Variants in GULP1 observed in about 807,000 individuals in gnomAD.
GULP1 encodes PTB domain-containing engulfment adapter protein 1.
A neutral mutation model predicts 40.9 loss-of-function variants in GULP1; 19 were observed. The ratio of observed to expected loss-of-function variants is 0.46; its 90% CI spans 0.32 to 0.68. The LOEUF (loss-of-function observed/expected upper bound fraction) is 0.68. GULP1 is among the 30% of genes least tolerant of loss of function. The probability of loss-of-function intolerance (pLI) is 0.03; values close to 1 mark genes in which losing one functional copy is unlikely to be tolerated. For synonymous variants in GULP1, 119 were observed against 117.6 expected (o/e 1.01, Z -0.08); for missense variants, 312 against 362.2 (o/e 0.86, Z 1.12).
intron 1 of GULP1, among the ~76,000 whole-genome samples, chr2:188,329,552 GA>G (rs1559117210): frequency 6.6e-6 from 1 of 152,070 alleles, no homozygotes; most frequent in East Asian, 1.9e-4. Flanking sequence ...AGAGAAGTAG[GA>G]AATTAAGTCA....
chr2:188,385,847 T>C (rs2152519982), intron 2 of GULP1, among the ~76,000 whole-genome samples: 1 of 152,266 alleles, frequency 6.6e-6, no homozygotes, highest in African/African-American at 2.4e-5. Flanking sequence ...CATCTCTGTC[T>C]GAGACCACCT....
intron 1 of GULP1, among the ~76,000 whole-genome samples, chr2:188,332,523 A>T (rs779810703): frequency 1.3e-5 from 2 of 152,060 alleles, no homozygotes; most frequent in Non-Finnish European, 2.9e-5. Flanking sequence ...GTGTTCCAGG[A>T]TCTGTGCCAG....
intron 1 of GULP1, among the ~76,000 whole-genome samples, chr2:188,347,614 ATTT>A (rs10627846): frequency 4.4e-5 from 6 of 135,268 alleles, no homozygotes; most frequent in African/African-American, 5.5e-5. Context: ...ATCTCAAAGC[ATTT>A]TTTTTTTTTT....
chr2:188,537,831 G>A (rs879345653), intron 6 of GULP1, among the ~76,000 whole-genome samples: 13 of 151,878 alleles, frequency 8.6e-5, no homozygotes, highest in Admixed American at 8.5e-4. Flanking sequence ...TTGTTTGGTT[G>A]GTAGATTTTT....
At chr2:188,549,637 C>T (rs13034731) in intron 7 of GULP1, among the ~76,000 whole-genome samples, 43,944 of 151,550 alleles carry the variant, frequency 0.29, 7,770 homozygotes, top group East Asian at 0.4. Context: ...GGACATTTAT[C>T]CCAGAGAAAT....
chr2:188,461,212 G>T (rs745641268), intron 2 of GULP1, among the ~76,000 whole-genome samples: 1 of 151,674 alleles, frequency 6.6e-6, no homozygotes, highest in Non-Finnish European at 1.5e-5. Context: ...TCTGTTTTTC[G>T]AATAGTTTAA....
At chr2:188,514,280 C>A (rs2064956050) in intron 4 of GULP1, among the ~76,000 whole-genome samples, 1 of 152,034 alleles carries the variant, frequency 6.6e-6, no homozygotes, top group African/African-American at 2.4e-5. Context: ...GTATTTCGGT[C>A]TTTATTTAGA....
intron 1 of GULP1, among the ~76,000 whole-genome samples, chr2:188,322,938 C>CTCTT (rs1484744257): frequency 6.6e-6 from 1 of 152,036 alleles, no homozygotes; most frequent in East Asian, 1.9e-4. Flanking sequence ...TTGTCAAGAC[C>CTCTT]TCTTTATCTT....
intron 2 of GULP1, among the ~76,000 whole-genome samples, chr2:188,417,543 GT>G (rs2054745562): frequency 6.6e-6 from 1 of 152,162 alleles, no homozygotes; most frequent in Non-Finnish European, 1.5e-5. Flanking sequence ...AGTGGTTTAT[GT>G]TTGTTCAACT....
intron 9 of GULP1, among the ~76,000 whole-genome samples, chr2:188,570,611 A>G (rs958547747): frequency 6.6e-6 from 1 of 152,184 alleles, no homozygotes; most frequent in East Asian, 1.9e-4. Flanking sequence ...TATTCTCTGC[A>G]GACAAAACTC....
intron 1 of GULP1, among the ~76,000 whole-genome samples, chr2:188,334,225 C>T (rs1200768469): frequency 6.6e-6 from 1 of 152,128 alleles, no homozygotes; most frequent in East Asian, 1.9e-4. Context: ...CAATTAATAA[C>T]GTTGGTAAGC....
At chr2:188,488,637 G>T (rs2062068594) in intron 4 of GULP1, among the ~76,000 whole-genome samples, 1 of 152,076 alleles carries the variant, frequency 6.6e-6, no homozygotes, top group African/African-American at 2.4e-5. Flanking sequence ...TGAAGTACTT[G>T]CAGTGACCAC....
chr2:188,559,287 G>A (rs1695627193), intron 7 of GULP1, among the ~76,000 whole-genome samples: 1 of 152,210 alleles, frequency 6.6e-6, no homozygotes, highest in African/African-American at 2.4e-5. Context: ...CTCAGGCTAT[G>A]GTTTCAGAGA....
rs188177039 is a variant in GULP1 at position 188,524,802 on chromosome 2, T to C, written c.162+1975T>C. Among the ~76,000 whole-genome samples, 435 of 151,882 alleles carry C rather than the reference T, an allele frequency of 2.9e-3. 2 individuals carry two copies. Among genetic ancestry groups the C allele is most frequent in the Non-Finnish European group, 4.0e-3 (273 of 67,926 alleles). On this transcript the variant is annotated intron_variant, in intron 5 of 11. Transcript: ENST00000409830. ...ACACATCTCCATTTTAATTTCCTGC[T>C]TATTTTTCTTTAACATATGAATTCT...
intron 6 of GULP1, among the ~76,000 whole-genome samples, chr2:188,538,273 G>T (rs191050237): frequency 6.6e-6 from 1 of 152,080 alleles, no homozygotes; most frequent in Admixed American, 6.6e-5. Flanking sequence ...TGTGATATTA[G>T]ATTGCTAACT....
intron 1 of GULP1, among the ~76,000 whole-genome samples, chr2:188,372,934 C>T (rs72909551): frequency 0.011 from 1,737 of 152,026 alleles, 14 homozygotes; most frequent in Non-Finnish European, 0.02. Context: ...GAAAAAATTC[C>T]CTTCTGCGTT....
intron 5 of GULP1, among the ~76,000 whole-genome samples, chr2:188,528,869 A>G (rs1401892935): frequency 1.3e-5 from 2 of 152,308 alleles, no homozygotes; most frequent in African/African-American, 4.8e-5. Flanking sequence ...AAAGAAGTGC[A>G]TTAAAAATCT....
At chr2:188,377,716 A>G (rs2048472176) in intron 1 of GULP1, among the ~76,000 whole-genome samples, 1 of 152,258 alleles carries the variant, frequency 6.6e-6, no homozygotes, top group South Asian at 2.1e-4. Context: ...TAGGAAATTT[A>G]TCAATAAGAA....
At chr2:188,349,645 C>T (rs1312811873) in intron 1 of GULP1, among the ~76,000 whole-genome samples, 1 of 152,096 alleles carries the variant, frequency 6.6e-6, no homozygotes, top group African/African-American at 2.4e-5. Context: ...ATATTTTCTG[C>T]AATTCTGTGG....
Sources: allele counts gnomAD v4.1 joint callset (sites outside exome capture counted in the v4.1 genomes callset), GRCh38; gene constraint gnomAD v4.1.1; transcripts MANE v1.5; gene names NCBI Gene and HGNC (gene_info 2026-07-23, HGNC 2026-07-21).